PPP1CB: variants seen among roughly 807,000 people sequenced by gnomAD.
PPP1CB encodes the protein serine/threonine-protein phosphatase PP1-beta catalytic subunit.
PPP1CB carries 2 observed loss-of-function variants against 43.7 expected under a neutral mutation model. That is an observed-to-expected ratio of 0.05 (90% CI 0.02 to 0.14). PPP1CB has a LOEUF of 0.14. Ranked by LOEUF, PPP1CB falls within the 10% of genes least tolerant of loss-of-function variation. The pLI is 1.00. For missense variants in PPP1CB, 84 were observed against 398.0 expected (o/e 0.21, Z 6.71); for synonymous variants, 136 against 135.6 (o/e 1.00, Z -0.02).
intron 7 of PPP1CB, among the ~76,000 whole-genome samples, chr2:28,797,946 A>G (rs938242239): frequency 1.3e-4 from 20 of 152,112 alleles, no homozygotes; most frequent in Non-Finnish European, 1.8e-4. Context: ...GGGCTTTCCC[A>G]TTCCTCTTTC....
intron 1 of PPP1CB, among the ~76,000 whole-genome samples, chr2:28,775,042 T>C (rs1667004205): frequency 6.6e-6 from 1 of 151,998 alleles, no homozygotes; most frequent in Non-Finnish European, 1.5e-5. Flanking sequence ...TGGAGGCCTT[T>C]TTTTTTTTAA....
intron 1 of PPP1CB, among the ~76,000 whole-genome samples, chr2:28,758,386 A>G (rs923825791): frequency 6.6e-6 from 1 of 152,194 alleles, no homozygotes; most frequent in Admixed American, 6.5e-5. Flanking sequence ...CTGAAAGGTT[A>G]TTCTCGAATG....
At chr2:28,767,722 A>C (rs1387761316) in intron 1 of PPP1CB, among the ~76,000 whole-genome samples, 1 of 152,170 alleles carries the variant, frequency 6.6e-6, no homozygotes, top group African/African-American at 2.4e-5. Context: ...ATGGCCACCA[A>C]AATTTGAGTT....
In PPP1CB at chr2:28,799,539, C is replaced by CTTT. The variant is rs1261311673; in HGVS notation, c.*236_*237insTTT. Reference sequence around the variant, plus strand: ...AGTTAAATCCAAATTCAAAATTATCCATTAAAGTTACATCTTCATGTATCA... The same window carrying CTTT: ...AGTTAAATCCAAATTCAAAATTATCCTTTATTAAAGTTACATCTTCATGTATCA... On this transcript the variant is annotated 3_prime_UTR_variant, in exon 8 of 8. Transcript: ENST00000395366. 5 of 367,450 alleles carry CTTT rather than the reference C, an allele frequency of 1.4e-5. No homozygotes were observed. Among genetic ancestry groups the CTTT allele is most frequent in the Non-Finnish European group, 2.4e-5 (5 of 205,258 alleles). The allele number at this position is 367,450 out of a possible 1,614,324, so 22.8% of individuals were successfully genotyped here.
At chr2:28,758,466 T>G (rs746690619) in intron 1 of PPP1CB, among the ~76,000 whole-genome samples, 1 of 152,184 alleles carries the variant, frequency 6.6e-6, no homozygotes, top group Non-Finnish European at 1.5e-5. Flanking sequence ...AGTGGTGTGG[T>G]AGATGGGGAT....
chr2:28,767,583 T>A (rs538916101), intron 1 of PPP1CB, among the ~76,000 whole-genome samples: 1 of 152,292 alleles, frequency 6.6e-6, no homozygotes, highest in African/African-American at 2.4e-5. Context: ...TCTGTATAAT[T>A]TGTGATGCAC....
In PPP1CB at chr2:28,781,721, A is replaced by G. The variant is rs6727624; in HGVS notation, c.416-17A>G. The G allele has an allele frequency of 5.0e-4, 770 of 1,532,436 alleles. 3 individuals carry two copies. The African/African-American group carries it at 8.7e-3, about 17-fold the overall frequency. 94.9% of individuals were successfully genotyped at this position (1,532,436 alleles called of 1,614,324 possible). On this transcript the variant is annotated splice_polypyrimidine_tract_variant and intron_variant, in intron 3 of 7. Transcript: ENST00000395366. ...AGTTTTAGATTTTTTAATTTATTCT[A>G]TCTGTTCTTTTTACAGGCAAACGAA... is the stretch of plus-strand genomic sequence containing the variant.
chr2:28,786,888 G>A (rs996093942), intron 5 of PPP1CB, among the ~76,000 whole-genome samples: 1 of 151,640 alleles, frequency 6.6e-6, no homozygotes, highest in South Asian at 2.1e-4. Flanking sequence ...GTATATTTTC[G>A]AAGAGTCAGC....
At chr2:28,783,602 A>G (rs1353103025) in intron 4 of PPP1CB, among the ~76,000 whole-genome samples, 1 of 152,054 alleles carries the variant, frequency 6.6e-6, no homozygotes, top group Non-Finnish European at 1.5e-5. Flanking sequence ...CTAAAAATAC[A>G]AAAAATTAGC....
At position 28,766,637 on chromosome 2, in the gene PPP1CB, CAA is replaced by C. The variant is rs1255899885; in HGVS notation, c.53-10212_53-10211del. Among the ~76,000 whole-genome samples the C allele has an allele frequency of 4.6e-5, 7 of 152,280 alleles. No homozygotes were observed. In the East Asian group the frequency reaches 1.3e-3, roughly 29 times the overall value. ...TCACTTCGAATGAGGATTGGCTCCC[CAA>C]ATAACAAGTATTGGTAATACCTGTC... On this transcript the variant is annotated intron_variant, in intron 1 of 7. Coordinates refer to ENST00000395366, the MANE Select transcript of PPP1CB (RefSeq NM_002709.3).
chr2:28,796,629 C>T (rs920664824), intron 7 of PPP1CB, among the ~76,000 whole-genome samples: 1 of 152,066 alleles, frequency 6.6e-6, no homozygotes, highest in African/African-American at 2.4e-5. Flanking sequence ...GATTTTGTAT[C>T]CTGAAACTGA....
chr2:28,789,025 T>C (rs1667332399), intron 6 of PPP1CB, among the ~76,000 whole-genome samples: 1 of 152,066 alleles, frequency 6.6e-6, no homozygotes. Context: ...ACCTGGACTC[T>C]TAAACATTTA....
chr2:28,752,060 C>T lies in PPP1CB; in HGVS notation c.-65C>T, dbSNP rs1031265289. ...TAGGTGAGAGAACGCCGAGCCGTCG[C>T]CGCAGCCTCCGCCGCCGAGAAGCCC... On this transcript the variant is annotated 5_prime_UTR_variant, in exon 1 of 8. Transcript: ENST00000395366. The T allele has an allele frequency of 7.4e-6, 11 of 1,493,088 alleles. No homozygotes were observed. In the Admixed American group the frequency reaches 2.0e-4, roughly 27 times the overall value. 92.5% of individuals were successfully genotyped at this position (1,493,088 alleles called of 1,614,324 possible). A position where few individuals can be genotyped will look rare whatever the true frequency, so the allele number is the denominator to read the frequency against.
chr2:28,755,250 G>C (rs913098456), intron 1 of PPP1CB, among the ~76,000 whole-genome samples: 7 of 152,042 alleles, frequency 4.6e-5, no homozygotes, highest in African/African-American at 1.7e-4. Context: ...TGTTGGCCTG[G>C]CTGGTCTCGA....
At chr2:28,771,666 C>T (rs573216220) in intron 1 of PPP1CB, among the ~76,000 whole-genome samples, 1 of 152,252 alleles carries the variant, frequency 6.6e-6, no homozygotes, top group South Asian at 2.1e-4. Context: ...GGTGCTGAAT[C>T]AACTGGGTAT....
chr2:28,778,229 CG>C (rs1667081219), intron 2 of PPP1CB: 4 of 370,706 alleles, frequency 1.1e-5, no homozygotes, highest in South Asian at 6.3e-5. Flanking sequence ...TAAAAAGTGA[CG>C]TAAGTTAAAC....
At chr2:28,764,385 G>C (rs558839260) in intron 1 of PPP1CB, among the ~76,000 whole-genome samples, 1 of 151,054 alleles carries the variant, frequency 6.6e-6, no homozygotes, top group African/African-American at 2.4e-5. Context: ...GCGTGAACCC[G>C]GGAGGCAGAG....
intron 1 of PPP1CB, among the ~76,000 whole-genome samples, chr2:28,774,703 G>A (rs985599388): frequency 2.6e-5 from 4 of 152,280 alleles, no homozygotes; most frequent in South Asian, 2.1e-4. Flanking sequence ...TGGGATTACA[G>A]GCATGAGCCA....
intron 1 of PPP1CB, among the ~76,000 whole-genome samples, chr2:28,752,442 T>C (rs1317024321): frequency 1.3e-5 from 2 of 152,100 alleles, no homozygotes; most frequent in Admixed American, 6.5e-5. Flanking sequence ...CCGAAGGCTG[T>C]GCGGAGCGGG....
Sources: gnomAD v4.1 joint callset for allele counts (sites outside exome capture counted in the v4.1 genomes callset) on GRCh38, gnomAD v4.1.1 for gene constraint, MANE v1.5 for transcripts, NCBI Gene and HGNC (gene_info 2026-07-23, HGNC 2026-07-21) for gene names.